Variants in KCNU1 observed in about 807,000 individuals in gnomAD.
KCNU1 encodes potassium channel subfamily U member 1.
A neutral mutation model predicts 126.8 loss-of-function variants in KCNU1; 93 were observed. The ratio of observed to expected loss-of-function variants is 0.73; its 90% CI spans 0.62 to 0.87. The LOEUF is 0.87. Among genes scored for constraint, KCNU1 ranks in the 40% least tolerant of loss-of-function variants. KCNU1 has a pLI of 0.00. For missense variants in KCNU1, 1,330 were observed against 1,367.1 expected, an observed-to-expected ratio of 0.97 and a Z score of 0.43; for synonymous variants, 523 against 494.2, an observed-to-expected ratio of 1.06 and a Z score of -0.77.
intron 10 of KCNU1, among the ~76,000 whole-genome samples, chr8:36,830,347 G>T (rs1804489614): frequency 6.6e-6 from 1 of 151,686 alleles, no homozygotes; most frequent in Admixed American, 6.6e-5. Context: ...TTATTTTAAA[G>T]ATATTTGTTG....
In KCNU1 at chr8:36,838,675, C is replaced by T. The variant is rs144076391; in HGVS notation, c.1518+1730C>T. On this transcript the variant is annotated intron_variant, in intron 14 of 26. Coordinates refer to ENST00000399881, the MANE Select transcript of KCNU1 (RefSeq NM_001031836.3). ...TCACGCCACTCCACTCCAGCCTCAGCGACAGAGTGAGACTCTGTCTCAAAA... is the reference window on the plus strand; with the variant it reads ...TCACGCCACTCCACTCCAGCCTCAGTGACAGAGTGAGACTCTGTCTCAAAA... Among the ~76,000 whole-genome samples, 1,429 of 151,862 alleles carry T rather than the reference C, an allele frequency of 9.4e-3. 19 individuals are homozygous for T. The highest frequency in any genetic ancestry group is 0.031 in the African/African-American group (1,281 of 41,386).
chr8:36,787,631 G>A (rs1019435624), intron 2 of KCNU1, among the ~76,000 whole-genome samples: 7 of 149,280 alleles, frequency 4.7e-5, no homozygotes, highest in South Asian at 2.1e-4. Context: ...GAATGAATAC[G>A]ATTACTAATA....
intron 18 of KCNU1, among the ~76,000 whole-genome samples, chr8:36,861,033 A>C (rs978354451): frequency 2.0e-4 from 31 of 152,084 alleles, no homozygotes; most frequent in African/African-American, 6.3e-4. Flanking sequence ...TACCTACCCT[A>C]ATGAATCTAC....
chr8:36,916,863 AG>A (rs1407571992), intron 22 of KCNU1, among the ~76,000 whole-genome samples: 9 of 152,230 alleles, frequency 5.9e-5, no homozygotes, highest in African/African-American at 2.2e-4. Context: ...GAAATTTAGT[AG>A]AAATCAGAAA....
At chr8:36,898,392 AAT>A (rs1807281454) in intron 19 of KCNU1, among the ~76,000 whole-genome samples, 3 of 151,920 alleles carry the variant, frequency 2.0e-5, no homozygotes, top group Admixed American at 6.6e-5. Context: ...TATTAATGTT[AAT>A]AATTTTCCAG....
At chr8:36,835,111 T>A (rs1049068986) in intron 12 of KCNU1, among the ~76,000 whole-genome samples, 1 of 152,170 alleles carries the variant, frequency 6.6e-6, no homozygotes, top group African/African-American at 2.4e-5. Flanking sequence ...AAGTTTCATA[T>A]CTATAGTAGC....
At chr8:36,841,272 G>A (rs1804948602) in intron 16 of KCNU1, among the ~76,000 whole-genome samples, 2 of 151,956 alleles carry the variant, frequency 1.3e-5, no homozygotes, top group South Asian at 4.2e-4. Context: ...GAGCAGAGAG[G>A]AGAAGAAATG....
At chr8:36,827,540 T>C (rs1462780986) in intron 10 of KCNU1, among the ~76,000 whole-genome samples, 1 of 152,206 alleles carries the variant, frequency 6.6e-6, no homozygotes, top group Non-Finnish European at 1.5e-5. Context: ...CTCTTCATTG[T>C]CTGCTTATAT....
intron 20 of KCNU1, among the ~76,000 whole-genome samples, chr8:36,908,358 T>G (rs1043447562): frequency 6.6e-6 from 1 of 152,158 alleles, no homozygotes; most frequent in Non-Finnish European, 1.5e-5. Context: ...CATATTCAAA[T>G]GTTTGAGATC....
chr8:36,922,431 CACTTCTTATATTCTTA>C (rs1359095800), intron 23 of KCNU1, 43 bp from the exon 24 acceptor site: 5 of 1,546,452 alleles, frequency 3.2e-6, no homozygotes, highest in Middle Eastern at 1.7e-4. Flanking sequence ...GCATGGATGG[CACTTCTTATATTCTTA>C]ACCTGATCTG....
At chr8:36,902,134 G>A (rs749436601) in intron 19 of KCNU1, among the ~76,000 whole-genome samples, 1 of 152,114 alleles carries the variant, frequency 6.6e-6, no homozygotes, top group Non-Finnish European at 1.5e-5. Context: ...GACACCAGAT[G>A]GATGCCTTTA....
intron 20 of KCNU1, 28 bp from the exon 21 acceptor site, chr8:36,909,283 G>C (rs1563329872): frequency 6.9e-7 from 1 of 1,439,458 alleles, no homozygotes; most frequent in Non-Finnish European, 9.8e-7. Context: ...TTATGAAAAT[G>C]ACCAGACTGT....
At chr8:36,793,093 C>T (rs141046639) in intron 2 of KCNU1, among the ~76,000 whole-genome samples, 23,972 of 151,262 alleles carry the variant, frequency 0.16, 2,097 homozygotes, top group Admixed American at 0.28. Flanking sequence ...TCTCAGCAAA[C>T]TATCACAAGG....
At chr8:36,841,392 A>G (rs1207371258) in intron 16 of KCNU1, among the ~76,000 whole-genome samples, 2 of 152,330 alleles carry the variant, frequency 1.3e-5, no homozygotes, top group African/African-American at 2.4e-5. Context: ...AACACTGGCC[A>G]TGCAAAGTAA....
At chr8:36,919,747 C>T (rs1177171144) in intron 23 of KCNU1, among the ~76,000 whole-genome samples, 2 of 152,206 alleles carry the variant, frequency 1.3e-5, no homozygotes, top group African/African-American at 2.4e-5. Context: ...TGTGACTTGA[C>T]CTGATTTTAC....
chr8:36,899,789 G>A (rs925357276), intron 19 of KCNU1, among the ~76,000 whole-genome samples: 3 of 152,066 alleles, frequency 2.0e-5, no homozygotes, highest in Non-Finnish European at 4.4e-5. Context: ...AACATGGAAG[G>A]CTTTCTAGGC....
At chr8:36,814,172 T>G (rs1364344680) in intron 7 of KCNU1, 35 bp from the exon 8 acceptor site, 1 of 1,559,196 alleles carries the variant, frequency 6.4e-7, no homozygotes, top group African/African-American at 1.4e-5. Flanking sequence ...TTGGATTCTA[T>G]TCAGATGTTT....
intron 21 of KCNU1, among the ~76,000 whole-genome samples, chr8:36,910,648 T>C (rs1261302294): frequency 2.0e-5 from 3 of 152,216 alleles, no homozygotes; most frequent in Admixed American, 1.3e-4. Context: ...TTCTTCCACC[T>C]GAGTCAGTGG....
intron 14 of KCNU1, among the ~76,000 whole-genome samples, chr8:36,840,129 A>G (rs1804896448): frequency 6.6e-6 from 1 of 152,214 alleles, no homozygotes; most frequent in Non-Finnish European, 1.5e-5. Context: ...ATTCCACATT[A>G]ACTTTCCCAT....
Sources: gnomAD v4.1 joint callset for allele counts (sites outside exome capture counted in the v4.1 genomes callset) on GRCh38, gnomAD v4.1.1 for gene constraint, MANE v1.5 for transcripts, NCBI Gene and HGNC (gene_info 2026-07-23, HGNC 2026-07-21) for gene names.